RPS29: variants seen among roughly 807,000 people sequenced by gnomAD.
RPS29 encodes the protein ribosomal protein S29, also known as small ribosomal subunit protein uS14.
For synonymous variants in RPS29, 37 were observed against 26.9 expected, an observed-to-expected ratio of 1.37 and a Z score of -1.16; for missense variants, 60 against 75.7, an observed-to-expected ratio of 0.79 and a Z score of 0.77.
chr14:49,594,652 G>A (rs774912606), intron 1 of RPS29, among the ~76,000 whole-genome samples: 2 of 152,344 alleles, frequency 1.3e-5, no homozygotes, highest in East Asian at 3.9e-4. Flanking sequence ...GCTCATGTTT[G>A]TATGTCTGAG....
upstream of RPS29, among the ~76,000 whole-genome samples, chr14:49,589,709 T>C (rs1027226241): frequency 6.6e-6 from 1 of 152,228 alleles, no homozygotes; most frequent in African/African-American, 2.4e-5. Context: ...TATAAATCAT[T>C]CTACAGTAAA....
intron 1 of RPS29, among the ~76,000 whole-genome samples, chr14:49,595,269 T>C (rs1472552702): frequency 1.3e-5 from 2 of 152,030 alleles, no homozygotes; most frequent in African/African-American, 4.8e-5. Flanking sequence ...ACACTGTCCA[T>C]AGATTGTGAC....
upstream of RPS29, among the ~76,000 whole-genome samples, chr14:49,588,107 C>T (rs1881629591): frequency 6.6e-6 from 1 of 152,194 alleles, no homozygotes. Context: ...TAACATTTGT[C>T]CACACTTTCT....
chr14:49,595,458 A>G (rs1332585070), intron 1 of RPS29, among the ~76,000 whole-genome samples: 1 of 151,794 alleles, frequency 6.6e-6, no homozygotes, highest in African/African-American at 2.4e-5. Context: ...AAAACCACAC[A>G]CATCTGGCCA....
chr14:49,595,949 G>A (rs1262621279), intron 1 of RPS29, among the ~76,000 whole-genome samples: 1 of 145,268 alleles, frequency 6.9e-6, no homozygotes, highest in Non-Finnish European at 1.5e-5. Context: ...GGAGGCTGAG[G>A]TTGCAGTGAG....
At chr14:49,585,566 G>A (rs1304357234) in intron 2 of RPS29, 1 of 302,138 alleles carries the variant, frequency 3.3e-6, no homozygotes, top group East Asian at 5.6e-5. Context: ...CTGGGCGACA[G>A]AGGGAGACCC....
chr14:49,575,021 ACAGG>A (rs1328444241), exon 3 of RPS29: 8 of 152,572 alleles, frequency 5.2e-5, no homozygotes, highest in African/African-American at 1.9e-4. Flanking sequence ...CTCAAACTAT[ACAGG>A]CAGTCAGGGA....
upstream of RPS29, chr14:49,586,482 G>T: frequency 2.6e-6 from 2 of 766,942 alleles, no homozygotes. Context: ...TGTTTCGCTG[G>T]GTGAGTAAAA....
At chr14:49,594,260 G>A (rs1423426340) in intron 1 of RPS29, among the ~76,000 whole-genome samples, 1 of 151,924 alleles carries the variant, frequency 6.6e-6, no homozygotes, top group Non-Finnish European at 1.5e-5. Flanking sequence ...TTCCTGATCA[G>A]GTCTGAATTT....
At chr14:49,593,462 G>C (rs1221238004) in intron 1 of RPS29, among the ~76,000 whole-genome samples, 1 of 152,062 alleles carries the variant, frequency 6.6e-6, no homozygotes, top group Non-Finnish European at 1.5e-5. Flanking sequence ...CCAGCACTTT[G>C]GGAGGCCAAG....
intron 1 of RPS29, among the ~76,000 whole-genome samples, chr14:49,593,041 T>C (rs145739352): frequency 3.3e-5 from 5 of 152,342 alleles, no homozygotes; most frequent in African/African-American, 1.2e-4. Context: ...CACCTAAAAT[T>C]TATGTCACTG....
chr14:49,580,721 A>T (rs1446847415), downstream of RPS29, among the ~76,000 whole-genome samples: 2 of 151,958 alleles, frequency 1.3e-5, no homozygotes, highest in Non-Finnish European at 2.9e-5. Context: ...AAAATACAAA[A>T]AATCAGCCAG....
At chr14:49,596,945 C>G (rs550318134) in intron 1 of RPS29, among the ~76,000 whole-genome samples, 29 of 145,652 alleles carry the variant, frequency 2.0e-4, no homozygotes, top group Non-Finnish European at 4.2e-4. Context: ...TTGAGAGTCT[C>G]GCTCTGTCGC....
At chr14:49,580,733 C>T (rs1019064988), downstream of RPS29, among the ~76,000 whole-genome samples, 2 of 151,934 alleles carry the variant, frequency 1.3e-5, no homozygotes, top group Non-Finnish European at 2.9e-5. Flanking sequence ...ATCAGCCAGG[C>T]GTGGTGGCAG....
intron 1 of RPS29, among the ~76,000 whole-genome samples, chr14:49,591,847 C>T (rs1393524053): frequency 2.7e-5 from 4 of 150,850 alleles, no homozygotes; most frequent in African/African-American, 9.8e-5. Context: ...GTCTCGATAT[C>T]CTGACCTCAT....
At position 49,571,319 on chromosome 14, in the gene RPS29, T is replaced by C. The variant is rs1881050436; in HGVS notation, c.*6493A>G. ...GGCAAGTTCAATAGACTTGTGTTTG[T>C]TGTGTGACATAGCGTGCACAGTATG... On this transcript the variant is annotated 3_prime_UTR_variant, in exon 3 of 3. Transcript: ENST00000396020. The C allele has an allele frequency of 2.0e-5, 3 of 152,230 alleles. No individual in the cohort carries two copies. The South Asian group carries it at 6.2e-4, about 32-fold the overall frequency. 9.4% of individuals were successfully genotyped at this position (152,230 alleles called of 1,614,324 possible).
chr14:49,572,362 A>G (rs1881075474), exon 3 of RPS29: 2 of 152,198 alleles, frequency 1.3e-5, no homozygotes, highest in South Asian at 2.1e-4. Context: ...GTCTTCTCTA[A>G]CCCTAATTAG....
chr14:49,598,491 G>C (rs1459681706), exon 1 of RPS29: 3 of 702,392 alleles, frequency 4.3e-6, no homozygotes, highest in Non-Finnish European at 2.6e-6. Context: ...TGCCTCCGGA[G>C]AGCAGCCACC....
chr14:49,583,515 AG>A (rs1198927736), downstream of RPS29: 3 of 826,982 alleles, frequency 3.6e-6, no homozygotes, highest in Non-Finnish European at 5.3e-6. Context: ...AAAAAAAAAA[AG>A]AAAAAGATTT....
Sources: gnomAD v4.1 joint callset for allele counts (sites outside exome capture counted in the v4.1 genomes callset) on GRCh38, gnomAD v4.1.1 for gene constraint, MANE v1.5 for transcripts, NCBI Gene and HGNC (gene_info 2026-07-23, HGNC 2026-07-21) for gene names.